NPHP4: variants seen among roughly 807,000 people sequenced by gnomAD.
The protein encoded by NPHP4 is nephrocystin 4, also known as nephrocystin-4.
NPHP4 carries 151 observed loss-of-function variants against 155.8 expected under a neutral mutation model. The ratio of observed to expected loss-of-function variants is 0.97; its 90% CI spans 0.85 to 1.11. NPHP4 has a LOEUF of 1.11. Ranked by LOEUF, NPHP4 falls within the 50% of genes least tolerant of loss-of-function variation. The pLI, the probability that NPHP4 is intolerant of heterozygous loss-of-function variation, is 0.00. For synonymous variants in NPHP4, 845 were observed against 816.8 expected, an observed-to-expected ratio of 1.03 and a Z score of -0.59; for missense variants, 1,956 against 1,925.7, an observed-to-expected ratio of 1.02 and a Z score of -0.29.
At chr1:5,935,154 T>C (rs1400464361) in intron 9 of NPHP4, among the ~76,000 whole-genome samples, 1 of 152,264 alleles carries the variant, frequency 6.6e-6, no homozygotes, top group Admixed American at 6.5e-5. Context: ...AGACTGTTCC[T>C]GCCAGATGAT....
intron 2 of NPHP4, among the ~76,000 whole-genome samples, chr1:5,985,571 C>T (rs1400472288): frequency 2.0e-5 from 3 of 152,236 alleles, no homozygotes; most frequent in African/African-American, 4.8e-5. Context: ...TCACAAATAA[C>T]CCAGGAAATC....
Position 5,874,579 on chromosome 1 carries a change from G to A in NPHP4, c.3123C>T (p.Phe1041=), listed in dbSNP as rs779336075. 6 of 1,610,314 alleles carry A rather than the reference G, an allele frequency of 3.7e-6. No homozygotes were observed. The South Asian group carries it at 4.4e-5, about 12-fold the overall frequency. The part of the protein sequence containing the change: ...GLHTPVEEDM[F]HLRGSLAPQL... ...GGGGGGCCAGGCTGCCACGCAGGTGGAACATGTCCTCCTCCACCGGTGTGT... is the reference window on the plus strand; with the variant it reads ...GGGGGGCCAGGCTGCCACGCAGGTGAAACATGTCCTCCTCCACCGGTGTGT... The change falls in exon 22 of 30, where the codon TTC becomes TTT. Residue 1041 remains phenylalanine, a synonymous_variant. Transcript: ENST00000378156.
chr1:5,948,309 G>C, intron 7 of NPHP4, 58 bp from the exon 8 acceptor site: 1 of 1,359,120 alleles, frequency 7.4e-7, no homozygotes, highest in Admixed American at 2.5e-5. Context: ...GAGCTCGCCA[G>C]AAGTCCCTGG....
At chr1:5,927,593 A>T (rs1646069463) in intron 11 of NPHP4, 56 bp downstream of exon 11, 1 of 1,545,362 alleles carries the variant, frequency 6.5e-7, no homozygotes, top group Non-Finnish European at 8.8e-7. Flanking sequence ...CCCCGGGAAG[A>T]GATGGAAGTG....
chr1:5,863,314 T>C lies in NPHP4; in HGVS notation c.4232A>G (p.His1411Arg), dbSNP rs762068143. The change falls in exon 30 of 30, where the codon CAT (histidine) becomes CGT (arginine). Residue 1411 changes from histidine to arginine, a missense_variant. Physicochemically the swap from His to Arg is conservative, Grantham distance 29. Transcript: ENST00000378156. ...EEEILIYIND[H>R]EDKNEEAFCV... is the part of the protein sequence containing the mutation. ...AAATGCCTCTTCGTTTTTGTCCTCA[T>C]GGTCATTGATGTAGATCAGGATCTC... The C allele has an allele frequency of 9.3e-6, 15 of 1,613,918 alleles. No homozygotes were observed. The highest frequency in any genetic ancestry group is 1.3e-5 in the Non-Finnish European group (15 of 1,179,880).
intron 6 of NPHP4, among the ~76,000 whole-genome samples, chr1:5,956,892 T>C (rs1409513204): frequency 2.0e-5 from 3 of 152,138 alleles, no homozygotes; most frequent in Non-Finnish European, 4.4e-5. Flanking sequence ...AGCAAAGACT[T>C]GGAGAGGCTG....
At chr1:5,919,448 G>A (rs923549136) in intron 11 of NPHP4, among the ~76,000 whole-genome samples, 3 of 152,246 alleles carry the variant, frequency 2.0e-5, no homozygotes, top group Middle Eastern at 3.4e-3. Context: ...GCTACCTCAC[G>A]TATTTGGTAG....
Position 5,874,384 on chromosome 1 carries a change from G to C in NPHP4, c.3231+87C>G, listed in dbSNP as rs1044258353. 3.1e-6 allele frequency: 4 copies of C among 1,273,980 alleles called. No individual in the cohort carries two copies. The South Asian group carries it at 4.6e-5, about 15-fold the overall frequency. The allele number at this position is 1,273,980 out of a possible 1,614,324, so 78.9% of individuals were successfully genotyped here. ...GGCTAGTCTGTCTGCACAGGTAAGG[G>C]AGGGACACTGGTGGAGACTGGAAGC... On this transcript the variant is annotated intron_variant, in intron 22 of 29. Coordinates refer to ENST00000378156, the MANE Select transcript of NPHP4 (RefSeq NM_015102.5).
intron 3 of NPHP4, among the ~76,000 whole-genome samples, chr1:5,976,175 C>T (rs34794580): frequency 0.41 from 62,418 of 152,072 alleles, 13,383 homozygotes; most frequent in East Asian, 0.74. Flanking sequence ...TGCACAGGGC[C>T]GTCGCTCCCA....
intron 22 of NPHP4, among the ~76,000 whole-genome samples, chr1:5,874,132 G>A (rs966483389): frequency 3.9e-5 from 6 of 152,106 alleles, no homozygotes; most frequent in Non-Finnish European, 5.9e-5. Context: ...TGCTGCAGTC[G>A]GAAGGGACCA....
intron 2 of NPHP4, among the ~76,000 whole-genome samples, chr1:5,981,549 G>A (rs1025287045): frequency 2.0e-4 from 30 of 152,164 alleles, no homozygotes; most frequent in African/African-American, 7.0e-4. Flanking sequence ...TTCAAAACAA[G>A]CATGTAATAT....
At position 5,882,042 on chromosome 1, in the gene NPHP4, T is replaced by C. The variant is rs1473971438; in HGVS notation, c.2486-1803A>G. The C allele has an allele frequency of 1.3e-5, 2 of 152,316 alleles. No homozygotes were observed. The highest frequency in any genetic ancestry group is 4.8e-5 in the African/African-American group (2 of 41,472). 9.4% of individuals were successfully genotyped at this position (152,316 alleles called of 1,614,324 possible). On this transcript the variant is annotated intron_variant, in intron 18 of 29. Transcript: ENST00000378156. This position sits in a 1 kb window ranked among gnomAD's most constrained non-coding sequence, Gnocchi z 5.1. The stretch of plus-strand genomic sequence containing the variant: ...TAGGGTCAAGCCGCCTGCTCACCTG[T>C]GCTGAGAATTCGGCCCTCAAGGCCA...
chr1:5,933,492 G>A (rs1646384418), intron 9 of NPHP4, among the ~76,000 whole-genome samples, 163 bp from the exon 10 acceptor site: 1 of 152,192 alleles, frequency 6.6e-6, no homozygotes, highest in Non-Finnish European at 1.5e-5. Flanking sequence ...GCAGGAGGAG[G>A]ACATGGCATC....
intron 3 of NPHP4, 116 bp downstream of exon 3, chr1:5,978,154 T>C: frequency 1.1e-6 from 1 of 950,058 alleles, no homozygotes. Flanking sequence ...GACCCACAAG[T>C]CTGAGACGCG....
intron 23 of NPHP4, among the ~76,000 whole-genome samples, chr1:5,872,825 A>G (rs1209373440): frequency 6.6e-6 from 1 of 152,238 alleles, no homozygotes; most frequent in African/African-American, 2.4e-5. Flanking sequence ...GCTGTTGAGA[A>G]GCAGGTGCCT....
intron 16 of NPHP4, among the ~76,000 whole-genome samples, chr1:5,902,039 T>A (rs1644708558): frequency 6.6e-6 from 1 of 152,208 alleles, no homozygotes; most frequent in Admixed American, 6.5e-5. Context: ...CTGGAAATGC[T>A]GTAGGAGCAC....
chr1:5,938,103 G>A (rs1011122072), intron 9 of NPHP4, among the ~76,000 whole-genome samples: 10 of 152,358 alleles, frequency 6.6e-5, no homozygotes, highest in African/African-American at 2.4e-4. Context: ...AGCATCCTTG[G>A]AGGTGGAGCC....
In NPHP4 at chr1:5,889,732, G is replaced by A. The variant is rs1479537814; in HGVS notation, c.2304+1136C>T. Among the ~76,000 whole-genome samples the A allele has an allele frequency of 6.6e-6, 1 of 152,224 alleles. No homozygotes were observed. The highest frequency in any genetic ancestry group is 1.5e-5 in the Non-Finnish European group (1 of 68,034). On this transcript the variant is annotated intron_variant, in intron 17 of 29. Transcript: ENST00000378156. This position sits in a 1 kb window ranked among gnomAD's most constrained non-coding sequence, Gnocchi z 4.2. ...GACATCAAAGCCAGCATGGGAGACG[G>A]ACAAGCAAGGGCCACGATGACCCTG...
At chr1:5,950,503 C>T (rs976858227) in intron 7 of NPHP4, among the ~76,000 whole-genome samples, 1 of 152,242 alleles carries the variant, frequency 6.6e-6, no homozygotes, top group Admixed American at 6.5e-5. Flanking sequence ...TACCCTTTGT[C>T]CTGTAACCTG....
Sources: allele counts gnomAD v4.1 joint callset (sites outside exome capture counted in the v4.1 genomes callset), GRCh38; gene constraint gnomAD v4.1.1; non-coding constraint Gnocchi (gnomAD v3.1); transcripts MANE v1.5; gene names NCBI Gene and HGNC (gene_info 2026-07-23, HGNC 2026-07-21).